DNAAF5: variants seen among roughly 807,000 people sequenced by gnomAD.
The protein encoded by DNAAF5 is HEAT repeat containing 2.
A neutral mutation model predicts 75.8 loss-of-function variants in DNAAF5; 64 were observed. That is an observed-to-expected ratio of 0.84 (90% confidence interval 0.69 to 1.04). The LOEUF is 1.04. Ranked by LOEUF, DNAAF5 falls within the 50% of genes least tolerant of loss-of-function variation. The pLI is 0.00. For synonymous variants in DNAAF5, 657 were observed against 557.2 expected (o/e 1.18, Z -2.52); for missense variants, 1,269 against 1,178.5 (o/e 1.08, Z -1.12).
intron 12 of DNAAF5, among the ~76,000 whole-genome samples, chr7:784,638 A>C (rs1238281459): frequency 1.3e-5 from 2 of 152,010 alleles, no homozygotes; most frequent in African/African-American, 4.8e-5. Flanking sequence ...ATCATCGGCC[A>C]CTGCTTCCCG....
At position 754,582 on chromosome 7, in the gene DNAAF5, G is replaced by T. The variant is rs748574039; in HGVS notation, c.1025-7G>T. The T allele has an allele frequency of 1.3e-6, 2 of 1,596,850 alleles. No individual in the cohort carries two copies. Among genetic ancestry groups the T allele is most frequent in the South Asian group, 2.3e-5 (2 of 88,690 alleles). Reference sequence around the variant, plus strand: ...TTTCTCATTCTTCTTTCCCTTTTTCGTTCCAGAGCGCCGCCCTGTGCTGGG... The same window carrying T: ...TTTCTCATTCTTCTTTCCCTTTTTCTTTCCAGAGCGCCGCCCTGTGCTGGG... On this transcript the variant is annotated splice_polypyrimidine_tract_variant and splice_region_variant and intron_variant, in intron 4 of 12. Transcript: ENST00000297440. The surrounding 1 kb of genome is among the most constrained non-coding windows in gnomAD (Gnocchi z 4.8).
At position 756,954 on chromosome 7, in the gene DNAAF5, C is replaced by T; in HGVS notation, c.1430C>T (p.Thr477Ile). ...CAGCCGCACCTGGCAGCCATCGCCA[C>T]AGAGCTGGCACAGGCCCACATCTGC... Reference protein sequence around the residue: ...ALQPHLAAIATELAQAHICQA... With the variant: ...ALQPHLAAIAIELAQAHICQA... The change falls in exon 6 of 13, where the codon ACA (threonine) becomes ATA (isoleucine). Residue 477 changes from threonine to isoleucine, a missense_variant. Transcript: ENST00000297440. 1 of 1,607,078 alleles carries T rather than the reference C, an allele frequency of 6.2e-7. No individual in the cohort carries two copies. The highest frequency in any genetic ancestry group is 8.5e-7 in the Non-Finnish European group (1 of 1,179,910).
At chr7:772,682 AG>A (rs1267180290) in intron 9 of DNAAF5, 1 of 152,270 alleles carries the variant, frequency 6.6e-6, no homozygotes, top group Non-Finnish European at 1.5e-5. Context: ...GGGGTCCTGC[AG>A]GCCTGGCTGT....
At chr7:783,665 C>G (rs1779053892) in intron 12 of DNAAF5, among the ~76,000 whole-genome samples, 1 of 152,204 alleles carries the variant, frequency 6.6e-6, no homozygotes, top group African/African-American at 2.4e-5. Flanking sequence ...GACAGCAGCT[C>G]ACGTGCAGGC....
chr7:770,983 T>TCTCGGCAGGGAAG, intron 9 of DNAAF5: 1 of 28,994 alleles, frequency 3.4e-5, no homozygotes, highest in Non-Finnish European at 8.3e-5. Context: ...CGGCAGGGAA[T>TCTCGGCAGGGAAG]GCACAGAGAA....
rs1781338741 is a variant in DNAAF5, at chr7:727,064, C to T, written c.344C>T (p.Pro115Leu). ...RRAARPRDALPRLLPALAARL... is the reference protein window; with the variant it reads ...RRAARPRDALLRLLPALAARL... ...GCCGCGCGGCCCCGCGATGCCCTGC[C>T]GCGCCTGCTGCCCGCGCTCGCCGCG... Residue 115 changes from proline (P) to leucine (L), a missense_variant, in exon 1 of 13, where the codon CCG becomes CTG. Pro to Leu is a moderately conservative substitution (Grantham distance 98). Transcript: ENST00000297440. 3 of 1,061,706 alleles carry T rather than the reference C, an allele frequency of 2.8e-6. No individual in the cohort carries two copies. The highest frequency in any genetic ancestry group is 1.7e-5 in the African/African-American group (1 of 58,568). 65.8% of individuals were successfully genotyped at this position (1,061,706 alleles called of 1,614,324 possible). A position where few individuals can be genotyped will look rare whatever the true frequency, so the allele number is the denominator to read the frequency against.
At position 774,040 on chromosome 7, in the gene DNAAF5, G is replaced by A. The variant is rs1453759668; in HGVS notation, c.1932-8G>A. 6.2e-7 allele frequency: 1 copy of A among 1,614,088 alleles called. No homozygotes were observed. The highest frequency in any genetic ancestry group is 1.1e-5 in the South Asian group (1 of 91,084). ...TCTCCTCATCCACCCTCTCCGTTCC[G>A]GTTCCAGGCAGTTTCCCAGCTACCT... On this transcript the variant is annotated splice_region_variant and splice_polypyrimidine_tract_variant and intron_variant, in intron 9 of 12. Transcript: ENST00000297440.
intron 11 of DNAAF5, among the ~76,000 whole-genome samples, chr7:775,778 T>C (rs1778741582): frequency 6.6e-6 from 1 of 151,554 alleles, no homozygotes; most frequent in Non-Finnish European, 1.5e-5. Context: ...GTGTGGACGT[T>C]GCGTTCTGCC....
At chr7:761,590 A>C (rs1782645730) in intron 6 of DNAAF5, among the ~76,000 whole-genome samples, 163 bp from the exon 7 acceptor site, 1 of 152,212 alleles carries the variant, frequency 6.6e-6, no homozygotes, top group Admixed American at 6.5e-5. Flanking sequence ...ACTTAATATC[A>C]AGAGAACAGC....
chr7:731,161 C>G (rs1473146936), intron 2 of DNAAF5, among the ~76,000 whole-genome samples: 1 of 152,182 alleles, frequency 6.6e-6, no homozygotes, highest in Non-Finnish European at 1.5e-5. Context: ...GAGTCTGTGT[C>G]ATGGGCCAAG....
Position 775,012 on chromosome 7 carries a change from G to C in DNAAF5, c.2089G>C (p.Asp697His). 6.2e-7 allele frequency: 1 copy of C among 1,613,994 alleles called. No individual in the cohort carries two copies. The highest frequency in any genetic ancestry group is 8.5e-7 in the Non-Finnish European group (1 of 1,179,974). Residue 697 changes from aspartate (D) to histidine (H), a missense_variant, in exon 11 of 13, where the codon GAC becomes CAC. Coordinates refer to ENST00000297440, the MANE Select transcript of DNAAF5 (RefSeq NM_017802.4). ...SEVLSAEQIR[D>H]VQETLMPQVL... ...ATGTGTTTGCTGATTGCAGATACGGGACGTGCAGGAAACACTGATGCCCCA... is the reference window on the plus strand; with the variant it reads ...ATGTGTTTGCTGATTGCAGATACGGCACGTGCAGGAAACACTGATGCCCCA...
chr7:767,299 T>C (rs377254915), intron 8 of DNAAF5, among the ~76,000 whole-genome samples: 2 of 150,236 alleles, frequency 1.3e-5, no homozygotes, highest in African/African-American at 4.9e-5. Flanking sequence ...TTAAGTGAAA[T>C]AGCTGCTGCC....
intron 11 of DNAAF5, among the ~76,000 whole-genome samples, chr7:777,706 A>C (rs908174222): frequency 2.0e-5 from 3 of 152,326 alleles, no homozygotes; most frequent in African/African-American, 7.2e-5. Context: ...CCGGAAATGA[A>C]TGGAGTCATC....
intron 2 of DNAAF5, among the ~76,000 whole-genome samples, chr7:740,386 C>T (rs903353638): frequency 1.2e-4 from 19 of 152,332 alleles, no homozygotes; most frequent in African/African-American, 4.3e-4. Context: ...CCACGGTGCA[C>T]CACACTTGCT....
At chr7:737,629 G>C (rs1781777379) in intron 2 of DNAAF5, among the ~76,000 whole-genome samples, 1 of 152,128 alleles carries the variant, frequency 6.6e-6, no homozygotes, top group Admixed American at 6.6e-5. Flanking sequence ...AAATTCCTCA[G>C]CTTTTGTTTG....
In DNAAF5 at chr7:745,455, T is replaced by TGCAC. The variant is rs1473179057; in HGVS notation, c.1024+3991_1024+3994dup. On this transcript the variant is annotated intron_variant, in intron 4 of 12. Coordinates refer to ENST00000297440, the MANE Select transcript of DNAAF5 (RefSeq NM_017802.4). ...ACACACACACACATATTCACATGCA[T>TGCAC]GCACATGTACACACACACCTGTGCA... is the stretch of plus-strand genomic sequence containing the variant. Among the ~76,000 whole-genome samples the TGCAC allele has an allele frequency of 5.3e-5, 8 of 152,052 alleles. No individual in the cohort carries two copies. The East Asian group carries it at 1.5e-3, about 29-fold the overall frequency.
At chr7:769,462 G>A (rs995045395) in intron 8 of DNAAF5, among the ~76,000 whole-genome samples, 1 of 152,062 alleles carries the variant, frequency 6.6e-6, no homozygotes. Context: ...CAGTGCAGGC[G>A]CCCAAGCCTC....
At chr7:775,751 CT>C (rs1381938845) in intron 11 of DNAAF5, among the ~76,000 whole-genome samples, 2 of 152,188 alleles carry the variant, frequency 1.3e-5, no homozygotes, top group African/African-American at 4.8e-5. Context: ...ACATTGGACC[CT>C]CGTGAAGGAA....
Position 751,150 on chromosome 7 carries a change from C to CA in DNAAF5, c.1025-3430dup, listed in dbSNP as rs201795811. On this transcript the variant is annotated intron_variant, in intron 4 of 12. Transcript: ENST00000297440. ...TGGATGACAGAGCGAGACTGCATTT[C>CA]AAAAAAAAACGAAGAGAGGTGTGTT... Among the ~76,000 whole-genome samples, 702 of 149,012 alleles carry CA rather than the reference C, an allele frequency of 4.7e-3. 7 individuals are homozygous for CA. The highest frequency in any genetic ancestry group is 0.016 in the African/African-American group (663 of 40,636).
Sources: gnomAD v4.1 joint callset for allele counts (sites outside exome capture counted in the v4.1 genomes callset) on GRCh38, gnomAD v4.1.1 for gene constraint, Gnocchi (gnomAD v3.1) non-coding constraint, MANE v1.5 for transcripts, NCBI Gene and HGNC (gene_info 2026-07-23, HGNC 2026-07-21) for gene names.